KCNIP4: variants seen among roughly 807,000 people sequenced by gnomAD.
The protein encoded by KCNIP4 is Kv channel-interacting protein 4.
A neutral mutation model predicts 34.0 loss-of-function variants in KCNIP4; 12 were observed. The ratio of observed to expected loss-of-function variants is 0.35; its 90% CI spans 0.23 to 0.57. The LOEUF is 0.57. Ranked by LOEUF, KCNIP4 falls within the 20% of genes least tolerant of loss-of-function variation. The probability of loss-of-function intolerance (pLI) is 0.83; values close to 1 mark genes in which losing one functional copy is unlikely to be tolerated. For synonymous variants in KCNIP4, 124 were observed against 102.2 expected (o/e 1.21, Z -1.29); for missense variants, 238 against 311.7 (o/e 0.76, Z 1.78).
chr4:21,400,500 T>TC lies in KCNIP4; in HGVS notation c.62-517792_62-517791insG, dbSNP rs1560369068. 1.5e-3 allele frequency among the ~76,000 whole-genome samples: 159 copies of TC among 103,272 alleles called. 1 individual carries two copies. The highest frequency in any genetic ancestry group is 4.7e-3 in the Middle Eastern group (1 of 212). The allele number at this position is 103,272 out of a possible 152,430, so 67.8% of individuals were successfully genotyped here. On this transcript the variant is annotated intron_variant, in intron 1 of 8. Coordinates refer to ENST00000382152, the MANE Select transcript of KCNIP4 (RefSeq NM_025221.6). ...CTCCTCTCCTCTCCTCTCCCCTCCCTTCCCCTCCCTTCCTCTTCTCTTCTC... is the reference window on the plus strand; with the variant it reads ...CTCCTCTCCTCTCCTCTCCCCTCCCTCTCCCCTCCCTTCCTCTTCTCTTCTC...
rs554269332 is a variant in KCNIP4, at chr4:21,569,076, C to T, written c.61+379495G>A. 3.3e-5 allele frequency among the ~76,000 whole-genome samples: 5 copies of T among 151,622 alleles called. No individual in the cohort carries two copies. In the South Asian group the frequency reaches 8.4e-4, roughly 25 times the overall value. ...GATGCCTTGATCTCAGATTTTGAGC[C>T]TCCAAACCTGTGAGACAATATATTC... On this transcript the variant is annotated intron_variant, in intron 1 of 8. Transcript: ENST00000382152.
chr4:20,862,215 T>A (rs1055648696), intron 2 of KCNIP4, among the ~76,000 whole-genome samples: 1 of 151,946 alleles, frequency 6.6e-6, no homozygotes, highest in Non-Finnish European at 1.5e-5. Flanking sequence ...GGTCTCAAAC[T>A]CCTGACCTCA....
chr4:21,028,360 G>C (rs1740727464), intron 1 of KCNIP4, among the ~76,000 whole-genome samples: 1 of 152,224 alleles, frequency 6.6e-6, no homozygotes, highest in East Asian at 1.9e-4. Context: ...CTCTCCAACA[G>C]CCTCTGATTT....
chr4:21,483,102 A>G (rs1309019028), intron 1 of KCNIP4, among the ~76,000 whole-genome samples: 1 of 149,372 alleles, frequency 6.7e-6, no homozygotes, highest in African/African-American at 2.5e-5. Context: ...GGGGAGGGAT[A>G]GCATTAGGAG....
At chr4:21,119,431 G>A (rs1017524202) in intron 1 of KCNIP4, among the ~76,000 whole-genome samples, 1 of 141,442 alleles carries the variant, frequency 7.1e-6, no homozygotes, top group Non-Finnish European at 1.5e-5. Context: ...GTACACTGAT[G>A]TCTGTGGGTT....
intron 1 of KCNIP4, among the ~76,000 whole-genome samples, chr4:21,826,293 C>G (rs1300869062): frequency 6.6e-6 from 1 of 152,090 alleles, no homozygotes; most frequent in Non-Finnish European, 1.5e-5. Flanking sequence ...ATACAGCAAG[C>G]ATGGAATGTT....
At chr4:21,306,488 T>A (rs939592836) in intron 1 of KCNIP4, among the ~76,000 whole-genome samples, 1 of 152,190 alleles carries the variant, frequency 6.6e-6, no homozygotes, top group African/African-American at 2.4e-5. Flanking sequence ...GTGATCTTCC[T>A]GTCTCAGCCT....
At chr4:20,776,174 C>T (rs1016672803) in intron 3 of KCNIP4, among the ~76,000 whole-genome samples, 1 of 152,108 alleles carries the variant, frequency 6.6e-6, no homozygotes, top group African/African-American at 2.4e-5. Flanking sequence ...AAGGGATTCT[C>T]TTCAAAACTT....
chr4:21,122,977 A>G (rs562534162), intron 1 of KCNIP4, among the ~76,000 whole-genome samples: 10 of 152,228 alleles, frequency 6.6e-5, no homozygotes, highest in Admixed American at 4.6e-4. Flanking sequence ...TTGGGAGGCC[A>G]AGGCGGGCAG....
rs549896948 is a variant in KCNIP4 at position 21,251,277 on chromosome 4, AGAG to A, written c.62-368571_62-368569del. Among the ~76,000 whole-genome samples, 452 of 152,308 alleles carry A rather than the reference AGAG, an allele frequency of 3.0e-3. 4 individuals are homozygous for A. Among genetic ancestry groups the A allele is most frequent in the Non-Finnish European group, 4.6e-3 (314 of 68,014 alleles). On this transcript the variant is annotated intron_variant, in intron 1 of 8. Coordinates refer to ENST00000382152, the MANE Select transcript of KCNIP4 (RefSeq NM_025221.6). ...GAAAATTTTAGGAAAATTATACAGG[AGAG>A]GAGATCTTTATTTTCATCTTAATTC...
At chr4:20,859,367 C>T (rs1721953261) in intron 2 of KCNIP4, among the ~76,000 whole-genome samples, 1 of 152,180 alleles carries the variant, frequency 6.6e-6, no homozygotes, top group African/African-American at 2.4e-5. Flanking sequence ...AGGTATCTTG[C>T]AGAAGAGCCA....
intron 1 of KCNIP4, among the ~76,000 whole-genome samples, chr4:21,574,963 G>A (rs1577622534): frequency 6.6e-6 from 1 of 152,008 alleles, no homozygotes; most frequent in African/African-American, 2.4e-5. Context: ...ATGTAGCTTT[G>A]CATTTAGTAA....
At chr4:20,780,807 A>G (rs748044082) in intron 3 of KCNIP4, among the ~76,000 whole-genome samples, 1 of 152,232 alleles carries the variant, frequency 6.6e-6, no homozygotes, top group Admixed American at 6.5e-5. Context: ...GCCATGCCTG[A>G]TGCTGTAAGT....
chr4:21,785,591 CAATAAATA>C (rs60265932), intron 1 of KCNIP4, among the ~76,000 whole-genome samples: 54 of 146,162 alleles, frequency 3.7e-4, no homozygotes, highest in Admixed American at 1.6e-3. Context: ...GATTCCATCT[CAATAAATA>C]AATAAATAAA....
At chr4:21,428,943 T>G (rs1726174650) in intron 1 of KCNIP4, among the ~76,000 whole-genome samples, 1 of 152,178 alleles carries the variant, frequency 6.6e-6, no homozygotes, top group Non-Finnish European at 1.5e-5. Flanking sequence ...ACCACAATGG[T>G]ATACTGGTTA....
intron 1 of KCNIP4, among the ~76,000 whole-genome samples, chr4:21,875,391 T>C (rs1392889365): frequency 6.6e-6 from 1 of 152,184 alleles, no homozygotes; most frequent in Non-Finnish European, 1.5e-5. Context: ...AATAAATAGA[T>C]AGAAATAAGT....
At chr4:21,122,491 T>C (rs992520977) in intron 1 of KCNIP4, among the ~76,000 whole-genome samples, 1 of 151,978 alleles carries the variant, frequency 6.6e-6, no homozygotes, top group African/African-American at 2.4e-5. Context: ...GCGTATACAT[T>C]TTGAAAATCA....
At chr4:21,043,648 T>C (rs1005645470) in intron 1 of KCNIP4, among the ~76,000 whole-genome samples, 3 of 152,092 alleles carry the variant, frequency 2.0e-5, no homozygotes, top group African/African-American at 4.8e-5. Flanking sequence ...CCTGTATTTG[T>C]TTTTTAGATA....
At chr4:21,923,656 G>C (rs1044504257) in intron 1 of KCNIP4, among the ~76,000 whole-genome samples, 2 of 152,028 alleles carry the variant, frequency 1.3e-5, no homozygotes, top group Admixed American at 1.3e-4. Flanking sequence ...TCAAGTTCAA[G>C]GGGCTCATCT....
Sources: gnomAD v4.1 joint callset for allele counts (sites outside exome capture counted in the v4.1 genomes callset) on GRCh38, gnomAD v4.1.1 for gene constraint, MANE v1.5 for transcripts, NCBI Gene and HGNC (gene_info 2026-07-23, HGNC 2026-07-21) for gene names.